Variants in ACVR1C observed in about 807,000 individuals in gnomAD.
ACVR1C encodes the protein activin receptor type-1C.
Under a neutral mutation model 57.9 loss-of-function variants are expected in ACVR1C, and 23 were observed. The ratio of observed to expected loss-of-function variants is 0.40; its 90% CI spans 0.29 to 0.56. ACVR1C has a LOEUF of 0.56. Among genes scored for constraint, ACVR1C ranks in the 20% least tolerant of loss-of-function variants. ACVR1C has a pLI of 0.50. For synonymous variants in ACVR1C, 214 were observed against 215.3 expected (o/e 0.99, Z 0.05); for missense variants, 480 against 607.9 (o/e 0.79, Z 2.21).
intron 2 of ACVR1C, among the ~76,000 whole-genome samples, chr2:157,583,871 T>C (rs775916158): frequency 1.2e-4 from 19 of 152,224 alleles, no homozygotes; most frequent in Admixed American, 1.1e-3. Flanking sequence ...TGAAACTGAA[T>C]GCAAAGATTG....
At chr2:157,593,586 A>G (rs1405743871) in intron 1 of ACVR1C, among the ~76,000 whole-genome samples, 4 of 152,214 alleles carry the variant, frequency 2.6e-5, no homozygotes, top group African/African-American at 9.6e-5. Flanking sequence ...TAACAAAGGG[A>G]ACAATTCAAG....
chr2:157,615,541 A>T (rs955233840), intron 1 of ACVR1C, among the ~76,000 whole-genome samples: 8 of 151,852 alleles, frequency 5.3e-5, no homozygotes, highest in Admixed American at 4.6e-4. Context: ...TACCTGGCTA[A>T]TTTTTTTCAT....
intron 1 of ACVR1C, among the ~76,000 whole-genome samples, chr2:157,607,722 TTTA>T (rs562996186): frequency 6.6e-6 from 1 of 151,704 alleles, no homozygotes; most frequent in Non-Finnish European, 1.5e-5. Flanking sequence ...TTGTAGCTAT[TTTA>T]AATGAGATTG....
intron 1 of ACVR1C, among the ~76,000 whole-genome samples, chr2:157,623,767 G>A (rs953146918): frequency 6.6e-6 from 1 of 152,058 alleles, no homozygotes; most frequent in African/African-American, 2.4e-5. Flanking sequence ...TAACTCAAAG[G>A]ATAAAATGCT....
intron 2 of ACVR1C, among the ~76,000 whole-genome samples, chr2:157,563,316 T>C (rs1432583976): frequency 6.6e-6 from 1 of 152,000 alleles, no homozygotes; most frequent in East Asian, 1.9e-4. Flanking sequence ...CATTCTTACA[T>C]GCCAACAATA....
intron 1 of ACVR1C, among the ~76,000 whole-genome samples, chr2:157,623,740 T>C (rs1306285403): frequency 6.6e-6 from 1 of 152,092 alleles, no homozygotes; most frequent in Non-Finnish European, 1.5e-5. Context: ...AAATAAAGAA[T>C]GTAATTGGAT....
intron 2 of ACVR1C, among the ~76,000 whole-genome samples, chr2:157,572,877 A>AGCT (rs1688552147): frequency 1.3e-5 from 2 of 152,124 alleles, no homozygotes; most frequent in Admixed American, 6.6e-5. Context: ...CCAGAGAGTG[A>AGCT]GCTATAAATG....
At chr2:157,606,818 T>C (rs1465693840) in intron 1 of ACVR1C, among the ~76,000 whole-genome samples, 1 of 151,704 alleles carries the variant, frequency 6.6e-6, no homozygotes, top group Non-Finnish European at 1.5e-5. Flanking sequence ...TAGTTTAATA[T>C]AGTCCCATTT....
At chr2:157,544,282 G>A (rs906544300) in intron 5 of ACVR1C, among the ~76,000 whole-genome samples, 163 bp downstream of exon 5, 4 of 147,572 alleles carry the variant, frequency 2.7e-5, no homozygotes, top group African/African-American at 5.0e-5. Context: ...CTGGCCTCAA[G>A]TGATCCTCTC....
Position 157,615,501 on chromosome 2 carries a change from A to T in ACVR1C, c.73+13071T>A, listed in dbSNP as rs567244121. Among the ~76,000 whole-genome samples the T allele has an allele frequency of 4.6e-5, 7 of 152,114 alleles. No homozygotes were observed. In the East Asian group the frequency reaches 1.4e-3, roughly 29 times the overall value. On this transcript the variant is annotated intron_variant, in intron 1 of 8. Transcript: ENST00000243349. ...GCAATTCTCCCACCTCAGCCTCCCC[A>T]GTAGCTGGAACTACAGGTGTGCACA...
At chr2:157,547,625 A>C (rs1336623580) in intron 4 of ACVR1C, among the ~76,000 whole-genome samples, 1 of 141,074 alleles carries the variant, frequency 7.1e-6, no homozygotes, top group Non-Finnish European at 1.5e-5. Flanking sequence ...TCTTTTGAGA[A>C]GTGTCTGTTC....
In ACVR1C at chr2:157,538,562, C is replaced by A; in HGVS notation, c.1356+11G>T. ...ATAATAAGAAAAATATAGATAAAAA[C>A]ATGGCCTTACTTCACAACTTTGCCA... On this transcript the variant is annotated intron_variant, in intron 8 of 8. Coordinates refer to ENST00000243349, the MANE Select transcript of ACVR1C (RefSeq NM_145259.3). 1 of 1,545,792 alleles carries A rather than the reference C, an allele frequency of 6.5e-7. No homozygotes were observed. Among genetic ancestry groups the A allele is most frequent in the Non-Finnish European group, 8.7e-7 (1 of 1,153,282 alleles).
chr2:157,553,369 A>G (rs1687966371), intron 3 of ACVR1C, among the ~76,000 whole-genome samples: 1 of 151,724 alleles, frequency 6.6e-6, no homozygotes, highest in Non-Finnish European at 1.5e-5. Context: ...ATTTAAAGAA[A>G]TCATCCATGC....
In ACVR1C at chr2:157,528,540, A is replaced by C. The variant is rs558512459; in HGVS notation, c.*5378T>G. 12 of 152,304 alleles carry C rather than the reference A, an allele frequency of 7.9e-5. No individual in the cohort carries two copies. The highest frequency in any genetic ancestry group is 3.4e-3 in the Middle Eastern group (1 of 294). 9.4% of individuals were successfully genotyped at this position (152,304 alleles called of 1,614,324 possible). On this transcript the variant is annotated 3_prime_UTR_variant, in exon 9 of 9. Transcript: ENST00000243349. ...TTCTATTATTGTTAGGGGAATTTTA[A>C]AATAGGGATTGTTACCTAATTTTGC... is the stretch of plus-strand genomic sequence containing the variant.
Position 157,529,037 on chromosome 2 carries a change from C to A in ACVR1C, c.*4881G>T, listed in dbSNP as rs1573895532. The A allele has an allele frequency of 6.6e-6, 1 of 151,512 alleles. No homozygotes were observed. The highest frequency in any genetic ancestry group is 1.5e-5 in the Non-Finnish European group (1 of 67,868). The allele number at this position is 151,512 out of a possible 1,614,324, so 9.4% of individuals were successfully genotyped here. On this transcript the variant is annotated 3_prime_UTR_variant, in exon 9 of 9. Coordinates refer to ENST00000243349, the MANE Select transcript of ACVR1C (RefSeq NM_145259.3). ...TTAATGCACTAAAAGAAGATGAATG[C>A]CAAAGACAAACTAATGAGAAACTGA... is the stretch of plus-strand genomic sequence containing the variant.
In ACVR1C at chr2:157,541,085, T is replaced by C; in HGVS notation, c.1225+5A>G. On this transcript the variant is annotated splice_donor_5th_base_variant and intron_variant, in intron 7 of 8. Coordinates refer to ENST00000243349, the MANE Select transcript of ACVR1C (RefSeq NM_145259.3). ...CAAACACAAAGGATATTTCCAAAATTTTACCTCCGACTGAACACCTCCGGG... is the reference window on the plus strand; with the variant it reads ...CAAACACAAAGGATATTTCCAAAATCTTACCTCCGACTGAACACCTCCGGG... 6.2e-7 allele frequency: 1 copy of C among 1,609,502 alleles called. No homozygotes were observed. Among genetic ancestry groups the C allele is most frequent in the Non-Finnish European group, 8.5e-7 (1 of 1,178,858 alleles).
At chr2:157,554,175 T>A (rs529192958) in intron 3 of ACVR1C, among the ~76,000 whole-genome samples, 1 of 70,722 alleles carries the variant, frequency 1.4e-5, no homozygotes, top group Non-Finnish European at 2.7e-5. Flanking sequence ...AGGGTGAGAA[T>A]CTGGAAAAAA....
intron 8 of ACVR1C, 46 bp downstream of exon 8, chr2:157,538,527 C>T: frequency 6.8e-7 from 1 of 1,479,790 alleles, no homozygotes; most frequent in Non-Finnish European, 9.0e-7. Context: ...CCGATACTCA[C>T]CTCAAAAATA....
In ACVR1C at chr2:157,557,528, C is replaced by T. The variant is rs529697675; in HGVS notation, c.305-1196G>A. Among the ~76,000 whole-genome samples, 4 of 152,012 alleles carry T rather than the reference C, an allele frequency of 2.6e-5. No individual in the cohort carries two copies. In the South Asian group the frequency reaches 8.3e-4, roughly 32 times the overall value. On this transcript the variant is annotated intron_variant, in intron 2 of 8. Transcript: ENST00000243349. ...CATCATATACTCATTTATTGATTAC[C>T]CAATTCCCTCCAGAGGACATAAGCT...
Sources: allele counts gnomAD v4.1 joint callset (sites outside exome capture counted in the v4.1 genomes callset), GRCh38; gene constraint gnomAD v4.1.1; transcripts MANE v1.5; gene names NCBI Gene and HGNC (gene_info 2026-07-23, HGNC 2026-07-21).